Variants in TTC8 observed in about 807,000 individuals in gnomAD.
TTC8 encodes tetratricopeptide repeat protein 8.
TTC8 carries 47 observed loss-of-function variants against 72.5 expected under a neutral mutation model. The ratio of observed to expected loss-of-function variants is 0.65; its 90% CI spans 0.51 to 0.83. TTC8 has a LOEUF of 0.83. TTC8 is among the 40% of genes least tolerant of loss of function. TTC8 has a pLI of 0.00. For missense variants in TTC8, 611 were observed against 623.2 expected (o/e 0.98, Z 0.21); for synonymous variants, 199 against 221.4 (o/e 0.90, Z 0.90).
At chr14:88,828,018 TA>T (rs1462616586) in intron 1 of TTC8, among the ~76,000 whole-genome samples, 4 of 152,188 alleles carry the variant, frequency 2.6e-5, no homozygotes, top group Non-Finnish European at 5.9e-5. Context: ...GAGTTGTTCA[TA>T]TTTGTCAGCT....
At position 88,841,079 on chromosome 14, in the gene TTC8, G is replaced by A. The variant is rs762722585; in HGVS notation, c.372G>A (p.Arg124=). The A allele has an allele frequency of 1.6e-5, 26 of 1,613,918 alleles. No individual in the cohort carries two copies. Among genetic ancestry groups the A allele is most frequent in the Middle Eastern group, 1.6e-4 (1 of 6,084 alleles). The change falls in exon 5 of 15, where the codon AGG becomes AGA. Residue 124 remains arginine (R), a synonymous_variant. Coordinates refer to ENST00000380656, the MANE Select transcript of TTC8 (RefSeq NM_144596.4). ...GAAGACCCATTACAGGTTTCCTCAG[G>A]CCCAGCACGCAGAGTGGAAGGCCAG... ...QAGRPITGFL[R]PSTQSGRPGT...
intron 14 of TTC8, among the ~76,000 whole-genome samples, chr14:88,875,325 T>C (rs150617675): frequency 2.6e-5 from 4 of 152,208 alleles, no homozygotes; most frequent in African/African-American, 4.8e-5. Flanking sequence ...AACTCCATTA[T>C]AGATTATAGA....
chr14:88,834,698 A>G (rs1038850731), intron 2 of TTC8, among the ~76,000 whole-genome samples: 1 of 147,428 alleles, frequency 6.8e-6, no homozygotes, highest in East Asian at 2.0e-4. Flanking sequence ...GGGCAAAACT[A>G]TTTTTTTTTT....
chr14:88,831,437 G>A (rs1229871687), intron 1 of TTC8, among the ~76,000 whole-genome samples: 1 of 152,328 alleles, frequency 6.6e-6, no homozygotes, highest in East Asian at 1.9e-4. Flanking sequence ...TCCTCTGCAA[G>A]GAGCAGTACC....
intron 7 of TTC8, among the ~76,000 whole-genome samples, chr14:88,844,190 T>C (rs1295952487): frequency 2.0e-5 from 3 of 152,224 alleles, no homozygotes; most frequent in East Asian, 1.9e-4. Context: ...TAGTATATTA[T>C]AGGTTTACTA....
intron 13 of TTC8, among the ~76,000 whole-genome samples, chr14:88,873,344 A>G (rs904607308): frequency 1.3e-5 from 2 of 152,210 alleles, no homozygotes; most frequent in African/African-American, 4.8e-5. Context: ...CTTAGATTAA[A>G]TGCCACCTTC....
chr14:88,874,935 A>C, intron 13 of TTC8, 91 bp from the exon 14 acceptor site: 1 of 931,042 alleles, frequency 1.1e-6, no homozygotes. Flanking sequence ...GTCATAGGTA[A>C]AGAATTCTTT....
Position 88,871,873 on chromosome 14 carries a change from G to A in TTC8, c.1224+150G>A. ...TTGAGACCACCCTGGGCAACATAGT[G>A]GGACTCTGTCTCTACAAAAAATTTA... is the stretch of plus-strand genomic sequence containing the variant. On this transcript the variant is annotated intron_variant, in intron 12 of 14. Coordinates refer to ENST00000380656, the MANE Select transcript of TTC8 (RefSeq NM_144596.4). This position sits in a 1 kb window ranked among gnomAD's most constrained non-coding sequence, Gnocchi z 4.1. 1 of 863,680 alleles carries A rather than the reference G, an allele frequency of 1.2e-6. No homozygotes were observed. The highest frequency in any genetic ancestry group is 2.5e-5 in the East Asian group (1 of 39,216). The allele number at this position is 863,680 out of a possible 1,614,324, so 53.5% of individuals were successfully genotyped here.
chr14:88,868,030 G>T (rs1359434878), intron 10 of TTC8, among the ~76,000 whole-genome samples: 2 of 152,196 alleles, frequency 1.3e-5, no homozygotes, highest in Non-Finnish European at 2.9e-5. Flanking sequence ...CTGAGAGAGA[G>T]ATACAAGATT....
At chr14:88,830,267 A>G (rs1041386548) in intron 1 of TTC8, among the ~76,000 whole-genome samples, 13 of 152,310 alleles carry the variant, frequency 8.5e-5, no homozygotes, top group South Asian at 2.1e-4. Context: ...GGAAGGAAGC[A>G]AACAGATGTG....
chr14:88,865,130 G>A (rs1343912133), intron 10 of TTC8, among the ~76,000 whole-genome samples: 1 of 152,154 alleles, frequency 6.6e-6, no homozygotes, highest in Non-Finnish European at 1.5e-5. Context: ...TCATTTCAAA[G>A]ACAGGTCTTA....
chr14:88,874,932 G>A (rs2094950396), intron 13 of TTC8, 94 bp from the exon 14 acceptor site: 2 of 892,182 alleles, frequency 2.2e-6, no homozygotes, highest in Admixed American at 2.3e-5. Flanking sequence ...CCTGTCATAG[G>A]TAAAGAATTC....
At chr14:88,854,934 G>A (rs1048953968) in intron 8 of TTC8, among the ~76,000 whole-genome samples, 10 of 152,208 alleles carry the variant, frequency 6.6e-5, no homozygotes, top group African/African-American at 1.4e-4. Context: ...CCATCCTCCC[G>A]CCTTGGCATC....
chr14:88,872,587 C>A, intron 13 of TTC8, 135 bp downstream of exon 13: 1 of 1,281,578 alleles, frequency 7.8e-7, no homozygotes, highest in Admixed American at 1.9e-5. Flanking sequence ...AATCCCAGCT[C>A]TGTTGTGTAT....
Position 88,874,430 on chromosome 14 carries a change from CA to C in TTC8, c.1348-586del, listed in dbSNP as rs58386624. 7.7e-3 allele frequency among the ~76,000 whole-genome samples: 1,112 copies of C among 145,230 alleles called. 21 individuals carry two copies. The highest frequency in any genetic ancestry group is 0.024 in the African/African-American group (943 of 39,768). ...CTCTGCATTGATGATCCTATGATCA[CA>C]AAAAAAAAATGTGAATGTTATATTT... On this transcript the variant is annotated intron_variant, in intron 13 of 14. Coordinates refer to ENST00000380656, the MANE Select transcript of TTC8 (RefSeq NM_144596.4).
intron 7 of TTC8, among the ~76,000 whole-genome samples, chr14:88,844,466 A>T (rs2094796546): frequency 6.6e-6 from 1 of 152,192 alleles, no homozygotes; most frequent in Non-Finnish European, 1.5e-5. Flanking sequence ...TTTTCCTATT[A>T]GTTCCAGGAA....
intron 7 of TTC8, among the ~76,000 whole-genome samples, chr14:88,850,891 A>G (rs2094830488): frequency 6.6e-6 from 1 of 152,234 alleles, no homozygotes; most frequent in Admixed American, 6.5e-5. Flanking sequence ...ATTTCAGGAA[A>G]GTATGGGAAT....
rs370111364 is a variant in TTC8, at chr14:88,861,328, A to G, written c.905A>G (p.Tyr302Cys). 209 of 1,591,532 alleles carry G rather than the reference A, an allele frequency of 1.3e-4. No individual in the cohort carries two copies. The highest frequency in any genetic ancestry group is 1.7e-4 in the Non-Finnish European group (199 of 1,160,664). ...VTLLCGIARIYEEMNNMSSAA... is the reference protein window; with the variant it reads ...VTLLCGIARICEEMNNMSSAA... ...CTGCTCTGTGGAATTGCAAGAATCT[A>G]TGAGGTAATTCATGTTATTATTATT... The change falls in exon 10 of 15, where the codon TAT becomes TGT. Residue 302 changes from tyrosine (Y) to cysteine (C), a missense_variant. Physicochemically the swap from Tyr to Cys is radical, Grantham distance 194. Transcript: ENST00000380656.
intron 13 of TTC8, among the ~76,000 whole-genome samples, chr14:88,874,717 G>A (rs2094949526): frequency 6.6e-6 from 1 of 152,068 alleles, no homozygotes; most frequent in Non-Finnish European, 1.5e-5. Context: ...ATGTCATATT[G>A]AAATATAACC....
Sources: allele counts gnomAD v4.1 joint callset (sites outside exome capture counted in the v4.1 genomes callset), GRCh38; gene constraint gnomAD v4.1.1; non-coding constraint Gnocchi (gnomAD v3.1); transcripts MANE v1.5; gene names NCBI Gene and HGNC (gene_info 2026-07-23, HGNC 2026-07-21).